Variants in ATP6V1C1 observed in about 807,000 individuals in gnomAD.
ATP6V1C1 encodes the protein V-type proton ATPase subunit C 1.
In ATP6V1C1, 45 loss-of-function variants were observed where a neutral mutation model predicts 53.9. The observed-to-expected ratio is 0.83, with a 90% CI of 0.66 to 1.07. The LOEUF (loss-of-function observed/expected upper bound fraction) is 1.07. Among genes scored for constraint, ATP6V1C1 ranks in the 50% least tolerant of loss-of-function variants. The pLI is 0.00. For missense variants in ATP6V1C1, 315 were observed against 440.3 expected (o/e 0.72, Z 2.55); for synonymous variants, 153 against 155.2 (o/e 0.99, Z 0.11).
chr8:103,066,477 A>G, intron 12 of ATP6V1C1, 30 bp downstream of exon 12: 1 of 1,508,198 alleles, frequency 6.6e-7, no homozygotes, highest in Non-Finnish European at 8.8e-7. Flanking sequence ...GTAGAGTAAG[A>G]ATTGAAGTGA....
chr8:103,031,889 A>G (rs57323628), intron 1 of ATP6V1C1, among the ~76,000 whole-genome samples: 9,638 of 152,272 alleles, frequency 0.063, 1,013 homozygotes, highest in African/African-American at 0.21. Context: ...AACATTTCAA[A>G]TTTGATGAAA....
At chr8:103,047,836 G>A (rs1817132287) in intron 3 of ATP6V1C1, among the ~76,000 whole-genome samples, 1 of 152,184 alleles carries the variant, frequency 6.6e-6, no homozygotes, top group African/African-American at 2.4e-5. Context: ...CTACTCATGA[G>A]CCTTTGGGCT....
In ATP6V1C1 at chr8:103,068,768, A is replaced by G; in HGVS notation, c.*21A>G. ...AGTGAAAATGGGCTCCTCCCCCGACAATCCTGTCCTTGTGTTTGTGTGTGC... is the reference window on the plus strand; with the variant it reads ...AGTGAAAATGGGCTCCTCCCCCGACGATCCTGTCCTTGTGTTTGTGTGTGC... On this transcript the variant is annotated 3_prime_UTR_variant, in exon 13 of 13. Transcript: ENST00000518738. 1 of 1,584,258 alleles carries G rather than the reference A, an allele frequency of 6.3e-7. No individual in the cohort carries two copies. Among genetic ancestry groups the G allele is most frequent in the Non-Finnish European group, 8.6e-7 (1 of 1,156,926 alleles).
At chr8:103,048,162 T>G (rs1817137763) in intron 3 of ATP6V1C1, among the ~76,000 whole-genome samples, 2 of 152,242 alleles carry the variant, frequency 1.3e-5, no homozygotes, top group South Asian at 2.1e-4. Context: ...ACTTATTCTT[T>G]TATACCTCAG....
At chr8:103,058,900 T>G (rs1817338836) in intron 8 of ATP6V1C1, among the ~76,000 whole-genome samples, 1 of 152,146 alleles carries the variant, frequency 6.6e-6, no homozygotes, top group Non-Finnish European at 1.5e-5. Context: ...GTGGAGGCTG[T>G]GCTGCTGTTC....
Position 103,069,844 on chromosome 8 carries a change from T to C in ATP6V1C1, c.*1097T>C, listed in dbSNP as rs1817555029. The C allele has an allele frequency of 6.6e-6, 1 of 152,244 alleles. No homozygotes were observed. The highest frequency in any genetic ancestry group is 2.1e-4 in the South Asian group (1 of 4,834). The allele number at this position is 152,244 out of a possible 1,614,324, so 9.4% of individuals were successfully genotyped here. A position where few individuals can be genotyped will look rare whatever the true frequency, so the allele number is the denominator to read the frequency against. On this transcript the variant is annotated 3_prime_UTR_variant, in exon 13 of 13. Coordinates refer to ENST00000518738, the MANE Select transcript of ATP6V1C1 (RefSeq NM_001695.5). ...CATATCTAAGCTATGCTATTCCCTT[T>C]AGAAAATTAGCCTCCAAAATCTTTT...
intron 1 of ATP6V1C1, among the ~76,000 whole-genome samples, chr8:103,022,406 A>T (rs1054770859): frequency 6.6e-6 from 1 of 152,170 alleles, no homozygotes; most frequent in African/African-American, 2.4e-5. Flanking sequence ...GTAGTCGTTT[A>T]CTTATTCATG....
In ATP6V1C1 at chr8:103,070,951, A is replaced by G. The variant is rs1817577155; in HGVS notation, c.*2204A>G. On this transcript the variant is annotated 3_prime_UTR_variant, in exon 13 of 13. Coordinates refer to ENST00000518738, the MANE Select transcript of ATP6V1C1 (RefSeq NM_001695.5). ...TCAGTGTGACCCCACGTGCACAGAA[A>G]GTGCTGCGAGTGGTGCATGGTGAGA... The G allele has an allele frequency of 6.6e-6, 1 of 152,302 alleles. No homozygotes were observed. Among genetic ancestry groups the G allele is most frequent in the Non-Finnish European group, 1.5e-5 (1 of 68,070 alleles). 9.4% of individuals were successfully genotyped at this position (152,302 alleles called of 1,614,324 possible). A position where few individuals can be genotyped will look rare whatever the true frequency, so the allele number is the denominator to read the frequency against.
intron 3 of ATP6V1C1, among the ~76,000 whole-genome samples, chr8:103,045,809 C>G (rs937170522): frequency 6.6e-6 from 1 of 152,018 alleles, no homozygotes; most frequent in Non-Finnish European, 1.5e-5. Flanking sequence ...GGTGTGGTGG[C>G]GGGCGCCTGT....
At position 103,068,725 on chromosome 8, in the gene ATP6V1C1, G is replaced by A. The variant is rs1817537844; in HGVS notation, c.1127G>A (p.Cys376Tyr). The change falls in exon 13 of 13, where the codon TGC (cysteine) becomes TAC (tyrosine). Residue 376 changes from cysteine to tyrosine, a missense_variant. Cys to Tyr is a radical substitution (Grantham distance 194). Transcript: ENST00000518738. ...CCCTATGTGTACTACAAGATTGATT[G>A]CAACTTGCTGGAATTCAAGTGAAAA... ...YYPYVYYKID[C>Y]NLLEFK is the part of the protein sequence containing the mutation. 6.2e-7 allele frequency: 1 copy of A among 1,608,430 alleles called. No individual in the cohort carries two copies. The highest frequency in any genetic ancestry group is 8.5e-7 in the Non-Finnish European group (1 of 1,177,596).
At position 103,072,686 on chromosome 8, in the gene ATP6V1C1, G is replaced by A. The variant is rs1817606045; in HGVS notation, c.*3939G>A. On this transcript the variant is annotated 3_prime_UTR_variant, in exon 13 of 13. Coordinates refer to ENST00000518738, the MANE Select transcript of ATP6V1C1 (RefSeq NM_001695.5). ...TCTTGCTTTCTAAAGAAAGGAATAT[G>A]GCACATTGGAACCATTTTATTCACC... 6.6e-6 allele frequency: 1 copy of A among 152,166 alleles called. No homozygotes were observed. Among genetic ancestry groups the A allele is most frequent in the Non-Finnish European group, 1.5e-5 (1 of 68,022 alleles). 9.4% of individuals were successfully genotyped at this position (152,166 alleles called of 1,614,324 possible).
chr8:103,048,989 T>C (rs777140226), intron 4 of ATP6V1C1, 34 bp downstream of exon 4: 1 of 1,578,358 alleles, frequency 6.3e-7, no homozygotes, highest in Admixed American at 1.7e-5. Context: ...CATTATTAAC[T>C]CATACAAAGC....
chr8:103,043,857 A>AAT (rs1213126377), intron 3 of ATP6V1C1, among the ~76,000 whole-genome samples: 10 of 152,034 alleles, frequency 6.6e-5, no homozygotes, highest in African/African-American at 1.9e-4. Context: ...ATAACTTGCA[A>AAT]ATATTTTCTC....
chr8:103,031,725 A>G (rs962860368), intron 1 of ATP6V1C1, among the ~76,000 whole-genome samples: 1 of 152,206 alleles, frequency 6.6e-6, no homozygotes, highest in African/African-American at 2.4e-5. Flanking sequence ...CTATATCACT[A>G]TCCAAAGTAA....
chr8:103,041,187 C>A (rs993149898), intron 2 of ATP6V1C1, among the ~76,000 whole-genome samples: 2 of 152,092 alleles, frequency 1.3e-5, no homozygotes, highest in African/African-American at 4.8e-5. Context: ...TTCTAAATTG[C>A]AATGAAAAAT....
chr8:103,035,037 TCTTTA>T (rs1381104180), intron 1 of ATP6V1C1, among the ~76,000 whole-genome samples: 1 of 152,206 alleles, frequency 6.6e-6, no homozygotes, highest in Admixed American at 6.5e-5. Flanking sequence ...CCTGTTAGGC[TCTTTA>T]CTTAGAGTTA....
intron 12 of ATP6V1C1, among the ~76,000 whole-genome samples, chr8:103,068,110 G>A (rs1191901396): frequency 1.3e-5 from 2 of 152,128 alleles, no homozygotes; most frequent in African/African-American, 2.4e-5. Context: ...CTTCCAAGTA[G>A]TTGGGACTAT....
At chr8:103,063,333 C>T in intron 10 of ATP6V1C1, 105 bp downstream of exon 10, 1 of 736,416 alleles carries the variant, frequency 1.4e-6, no homozygotes, top group South Asian at 2.2e-5. Context: ...GGTTTTAAGA[C>T]ATTTGATTTT....
chr8:103,066,544 A>T lies in ATP6V1C1; in HGVS notation c.1053+97A>T, dbSNP rs116636275. 928 of 1,308,866 alleles carry T rather than the reference A, an allele frequency of 7.1e-4. 8 individuals carry two copies. The African/African-American group carries it at 0.012, about 17-fold the overall frequency. 81.1% of individuals were successfully genotyped at this position (1,308,866 alleles called of 1,614,324 possible). ...GACAGAAAAGGGAGGGTAAGTATGA[A>T]ACTTAATCATTTTTTATTACTTTGA... On this transcript the variant is annotated intron_variant, in intron 12 of 12. Coordinates refer to ENST00000518738, the MANE Select transcript of ATP6V1C1 (RefSeq NM_001695.5).
Sources: gnomAD v4.1 joint callset for allele counts (sites outside exome capture counted in the v4.1 genomes callset) on GRCh38, gnomAD v4.1.1 for gene constraint, MANE v1.5 for transcripts, NCBI Gene and HGNC (gene_info 2026-07-23, HGNC 2026-07-21) for gene names.